Variants in DNAH10 observed in about 807,000 individuals in gnomAD.
DNAH10 encodes axonemal beta dynein heavy chain 10.
DNAH10 carries 348 observed loss-of-function variants against 506.6 expected under a neutral mutation model. That is an observed-to-expected ratio of 0.69 (90% CI 0.63 to 0.75). The LOEUF (loss-of-function observed/expected upper bound fraction) is 0.75, where lower values mean the gene tolerates loss of function less well. Ranked by LOEUF, DNAH10 falls within the 30% of genes least tolerant of loss-of-function variation. The pLI, the probability that DNAH10 is intolerant of heterozygous loss-of-function variation, is 0.00. For missense variants in DNAH10, 5,179 were observed against 5,787.1 expected (o/e 0.89, Z 3.41); for synonymous variants, 2,059 against 2,198.6 (o/e 0.94, Z 1.78).
At chr12:123,867,324 T>C (rs1055086412) in intron 41 of DNAH10, 143 bp from the exon 42 acceptor site, 50 of 846,832 alleles carry the variant, frequency 5.9e-5, no homozygotes, top group Non-Finnish European at 8.1e-5. Flanking sequence ...TATAGGGCAC[T>C]ATTATCAGGA....
At chr12:123,904,784 T>G (rs979431863) in intron 57 of DNAH10, among the ~76,000 whole-genome samples, 6 of 152,204 alleles carry the variant, frequency 3.9e-5, no homozygotes, top group Admixed American at 6.5e-5. Flanking sequence ...GAGGATCATA[T>G]GAGCCTATAT....
At position 123,800,395 on chromosome 12, in the gene DNAH10, AAATTCTTC is replaced by A. The variant is rs774891701; in HGVS notation, c.2462+8_2462+15del. ...AGGAAGACAAATTCCTTAGGTAAAA[AAATTCTTC>A]TTTTAAATTAGCAGTAAGCTTTTTG... is the stretch of plus-strand genomic sequence containing the variant. On this transcript the variant is annotated splice_region_variant and intron_variant, in intron 15 of 78. Coordinates refer to ENST00000673944, the MANE Select transcript of DNAH10 (RefSeq NM_001372106.1). 2.5e-6 allele frequency: 4 copies of A among 1,609,966 alleles called. No homozygotes were observed. Among genetic ancestry groups the A allele is most frequent in the Non-Finnish European group, 3.4e-6 (4 of 1,178,990 alleles).
chr12:123,901,264 C>T (rs571421530), intron 56 of DNAH10, among the ~76,000 whole-genome samples: 20 of 152,338 alleles, frequency 1.3e-4, no homozygotes, highest in Non-Finnish European at 4.4e-5. Flanking sequence ...CTCTGCACTC[C>T]GTTCCTGCTG....
At position 123,931,822 on chromosome 12, in the gene DNAH10, C is replaced by A. The variant is rs190408719; in HGVS notation, c.13103C>A (p.Thr4368Lys). 14 of 1,614,002 alleles carry A rather than the reference C, an allele frequency of 8.7e-6. No homozygotes were observed. The East Asian group carries it at 3.1e-4, about 36-fold the overall frequency. ...ERFNKLVVRM[T>K]KSLAELQRAL... Reference sequence around the variant, plus strand: ...TTCAACAAGCTTGTGGTCCGGATGACGAAGTCTCTGGCTGAACTTCAAAGG... The same window carrying A: ...TTCAACAAGCTTGTGGTCCGGATGAAGAAGTCTCTGGCTGAACTTCAAAGG... Residue 4368 changes from threonine (T) to lysine (K), a missense_variant, in exon 75 of 79, where the codon ACG becomes AAG. This residue lies in a region of DNAH10 where 4,844 missense variants were observed against 5,430.5 expected (regional missense o/e 0.89). Transcript: ENST00000673944.
In DNAH10 at chr12:123,804,856, A is replaced by G. The variant is rs1238228224; in HGVS notation, c.2803A>G (p.Ile935Val). ...LPGVKEFFEHIERERASDVDH... is the reference protein window; with the variant it reads ...LPGVKEFFEHVERERASDVDH... ...AGGCGTGAAGGAATTTTTTGAACACATTGAGCGAGAAAGGGCCAGCGACGT... is the reference window on the plus strand; with the variant it reads ...AGGCGTGAAGGAATTTTTTGAACACGTTGAGCGAGAAAGGGCCAGCGACGT... Residue 935 changes from isoleucine (I) to valine (V), a missense_variant, in exon 18 of 79, where the codon ATT (isoleucine) becomes GTT (valine). Physicochemically the swap from Ile to Val is conservative, Grantham distance 29. Transcript: ENST00000673944. 2.5e-6 allele frequency: 4 copies of G among 1,611,772 alleles called. No individual in the cohort carries two copies. Among genetic ancestry groups the G allele is most frequent in the Admixed American group, 3.3e-5 (2 of 59,998 alleles).
At position 123,777,810 on chromosome 12, in the gene DNAH10, G is replaced by A. The variant is rs138812788; in HGVS notation, c.622-3270G>A. On this transcript the variant is annotated intron_variant, in intron 5 of 78. Transcript: ENST00000673944. Reference sequence around the variant, plus strand: ...ATTACTAAAAATTAGCCAGGTGCACGCCACAATGCCTGGATGATTTTTGTA... The same window carrying A: ...ATTACTAAAAATTAGCCAGGTGCACACCACAATGCCTGGATGATTTTTGTA... Among the ~76,000 whole-genome samples, 62 of 143,930 alleles carry A rather than the reference G, an allele frequency of 4.3e-4. 1 individual carries two copies. Among genetic ancestry groups the A allele is most frequent in the Admixed American group, 3.6e-3 (51 of 14,048 alleles). 94.4% of individuals were successfully genotyped at this position (143,930 alleles called of 152,430 possible).
chr12:123,830,419 C>T, intron 25 of DNAH10, 127 bp from the exon 26 acceptor site: 2 of 1,077,206 alleles, frequency 1.9e-6, no homozygotes, highest in Non-Finnish European at 2.6e-6. Context: ...TAATGATGTC[C>T]TCATGTTGCA....
intron 25 of DNAH10, among the ~76,000 whole-genome samples, chr12:123,827,344 A>G (rs1027241660): frequency 2.6e-5 from 4 of 152,246 alleles, no homozygotes; most frequent in African/African-American, 9.6e-5. Flanking sequence ...TGTAATCAAC[A>G]TGAAACATTT....
intron 59 of DNAH10, among the ~76,000 whole-genome samples, chr12:123,911,873 G>C (rs1295795862): frequency 1.3e-3 from 25 of 19,208 alleles, no homozygotes; most frequent in Non-Finnish European, 2.6e-3. Context: ...TCTGTCCTTG[G>C]GGGGGGTCTG....
At position 123,786,011 on chromosome 12, in the gene DNAH10, TTGAGC is replaced by T. The variant is rs1327400869; in HGVS notation, c.1421+77_1421+81del. On this transcript the variant is annotated intron_variant, in intron 9 of 78. Transcript: ENST00000673944. Reference sequence around the variant, plus strand: ...ACTTTTTAGATCTTAAACAGCTCTATTGAGCTATAATTCACATATAATTCTCTTAC... The same window carrying T: ...ACTTTTTAGATCTTAAACAGCTCTATTATAATTCACATATAATTCTCTTAC... The T allele has an allele frequency of 3.7e-5, 53 of 1,428,894 alleles. No individual in the cohort carries two copies. The African/African-American group carries it at 7.3e-4, about 20-fold the overall frequency. 88.5% of individuals were successfully genotyped at this position (1,428,894 alleles called of 1,614,324 possible).
intron 2 of DNAH10, 46 bp downstream of exon 2, chr12:123,767,735 C>A (rs781214130): frequency 3.2e-6 from 5 of 1,543,884 alleles, no homozygotes; most frequent in East Asian, 4.6e-5. Context: ...TGAGAAAGCC[C>A]CCCCGCAGCG....
Position 123,893,085 on chromosome 12 carries a change from G to A in DNAH10, c.8996-148G>A, listed in dbSNP as rs1343310350. On this transcript the variant is annotated intron_variant, in intron 52 of 78. Coordinates refer to ENST00000673944, the MANE Select transcript of DNAH10 (RefSeq NM_001372106.1). ...CTAAGGGCTTGCCACGAGGTGGCAG[G>A]GAGCCTCGGGTCTCAGGTCAGGCCC... 1.5e-5 allele frequency: 12 copies of A among 799,080 alleles called. No homozygotes were observed. The South Asian group carries it at 1.7e-4, about 12-fold the overall frequency. 49.5% of individuals were successfully genotyped at this position (799,080 alleles called of 1,614,324 possible). A position where few individuals can be genotyped will look rare whatever the true frequency, so the allele number is the denominator to read the frequency against.
In DNAH10 at chr12:123,916,820, C is replaced by G; in HGVS notation, c.11002+84C>G. 3.4e-6 allele frequency: 5 copies of G among 1,472,720 alleles called. No homozygotes were observed. Among genetic ancestry groups the G allele is most frequent in the Non-Finnish European group, 2.7e-6 (3 of 1,104,262 alleles). 91.2% of individuals were successfully genotyped at this position (1,472,720 alleles called of 1,614,324 possible). A position where few individuals can be genotyped will look rare whatever the true frequency, so the allele number is the denominator to read the frequency against. Reference sequence around the variant, plus strand: ...TCAGATCAAGGCATTCATGGGACATCATTTCACTCAGTGACCCCAGATCAT... The same window carrying G: ...TCAGATCAAGGCATTCATGGGACATGATTTCACTCAGTGACCCCAGATCAT... On this transcript the variant is annotated intron_variant, in intron 63 of 78. Coordinates refer to ENST00000673944, the MANE Select transcript of DNAH10 (RefSeq NM_001372106.1). This position sits in a 1 kb window ranked among gnomAD's most constrained non-coding sequence, Gnocchi z 4.6.
intron 1 of DNAH10, among the ~76,000 whole-genome samples, chr12:123,766,018 A>G (rs978431441): frequency 1.3e-5 from 2 of 152,044 alleles, no homozygotes; most frequent in African/African-American, 4.8e-5. Context: ...TTATCTACCT[A>G]CCTATACATC....
intron 56 of DNAH10, among the ~76,000 whole-genome samples, chr12:123,901,082 A>G (rs1391117749): frequency 6.6e-6 from 1 of 152,184 alleles, no homozygotes; most frequent in Non-Finnish European, 1.5e-5. Flanking sequence ...CACCTGCCCC[A>G]GCCTCCAGCC....
intron 39 of DNAH10, 101 bp from the exon 40 acceptor site, chr12:123,864,494 C>G: frequency 4.1e-6 from 6 of 1,479,298 alleles, no homozygotes; most frequent in Non-Finnish European, 5.4e-6. Context: ...GGGTAGAAAA[C>G]CCTGGGAAAA....
chr12:123,840,873 G>A (rs1397559290), intron 29 of DNAH10, among the ~76,000 whole-genome samples: 1 of 152,152 alleles, frequency 6.6e-6, no homozygotes. Context: ...ACCTTGTTAA[G>A]TGCCATGATT....
intron 53 of DNAH10, 40 bp downstream of exon 53, chr12:123,893,476 T>C (rs775282852): frequency 1.2e-5 from 19 of 1,609,148 alleles, no homozygotes; most frequent in Non-Finnish European, 1.6e-5. Context: ...TCCCCTGCTT[T>C]GGCAGAGTGT....
rs752602370 is a variant in DNAH10, at chr12:123,845,637, C to G, written c.5398C>G (p.Leu1800Val). Residue 1800 changes from leucine to valine, a missense_variant, in exon 31 of 79, where the codon CTG becomes GTG. Transcript: ENST00000673944. The stretch of plus-strand genomic sequence containing the variant: ...GCTCCTGTACCAGGGCATGGTGGTG[C>G]TGGCCGCTAGCCAGGTGTGGTGGAC... ...WMLLYQGMVV[L>V]AASQVWWTWE... 1 of 1,613,460 alleles carries G rather than the reference C, an allele frequency of 6.2e-7. No homozygotes were observed. Among genetic ancestry groups the G allele is most frequent in the Non-Finnish European group, 8.5e-7 (1 of 1,179,868 alleles).
Sources: gnomAD v4.1 joint callset for allele counts (sites outside exome capture counted in the v4.1 genomes callset) on GRCh38, gnomAD v4.1.1 for gene constraint, gnomAD v4.1.1 regional missense constraint, Gnocchi (gnomAD v3.1) non-coding constraint, MANE v1.5 for transcripts, NCBI Gene and HGNC (gene_info 2026-07-23, HGNC 2026-07-21) for gene names.